Variants in GOLGA5 observed in about 807,000 individuals in gnomAD.
GOLGA5 encodes golgin A5.
A neutral mutation model predicts 93.5 loss-of-function variants in GOLGA5; 50 were observed. That is an observed-to-expected ratio of 0.53 (90% confidence interval 0.43 to 0.68). GOLGA5 has a LOEUF of 0.68. Ranked by LOEUF, GOLGA5 falls within the 30% of genes least tolerant of loss-of-function variation. The pLI, the probability that GOLGA5 is intolerant of heterozygous loss-of-function variation, is 0.00. For missense variants in GOLGA5, 760 were observed against 856.4 expected, an observed-to-expected ratio of 0.89 and a Z score of 1.40; for synonymous variants, 312 against 304.5, an observed-to-expected ratio of 1.02 and a Z score of -0.26.
At chr14:92,802,837 TGCACTGCAGCCCCAAACTCCTG>T (rs1234836998) in intron 2 of GOLGA5, among the ~76,000 whole-genome samples, 1 of 151,824 alleles carries the variant, frequency 6.6e-6, no homozygotes, top group Non-Finnish European at 1.5e-5. Context: ...ATGATCATAG[TGCACTGCAGCCCCAAACTCCTG>T]GCTCAAGTAA....
intron 3 of GOLGA5, among the ~76,000 whole-genome samples, chr14:92,808,359 G>A (rs1354723730): frequency 1.3e-5 from 2 of 152,190 alleles, no homozygotes; most frequent in African/African-American, 2.4e-5. Flanking sequence ...GTTTGGCCAG[G>A]CACAGTGAGT....
chr14:92,815,640 C>T (rs1053848535), intron 6 of GOLGA5, among the ~76,000 whole-genome samples: 3 of 151,606 alleles, frequency 2.0e-5, no homozygotes, highest in African/African-American at 7.3e-5. Flanking sequence ...AGTTCAAGAC[C>T]GGCCTGGGCA....
At chr14:92,818,685 C>A (rs938418788) in intron 7 of GOLGA5, among the ~76,000 whole-genome samples, 2 of 152,182 alleles carry the variant, frequency 1.3e-5, no homozygotes, top group African/African-American at 2.4e-5. Context: ...TTAGTTCTTT[C>A]AAACAGCATG....
intron 3 of GOLGA5, 51 bp downstream of exon 3, chr14:92,807,014 T>G (rs1034875044): frequency 1.5e-6 from 2 of 1,303,472 alleles, no homozygotes; most frequent in African/African-American, 2.9e-5. Flanking sequence ...AAAAATAAAC[T>G]TAAGGCTGGA....
At chr14:92,806,072 A>G (rs1331464206) in intron 2 of GOLGA5, among the ~76,000 whole-genome samples, 3 of 150,540 alleles carry the variant, frequency 2.0e-5, no homozygotes, top group Non-Finnish European at 4.4e-5. Context: ...CCAATTTTTC[A>G]GTATTTGAGA....
chr14:92,814,959 T>A (rs953322470), intron 6 of GOLGA5, among the ~76,000 whole-genome samples: 1 of 152,052 alleles, frequency 6.6e-6, no homozygotes, highest in Non-Finnish European at 1.5e-5. Context: ...AAAAAAAAAA[T>A]TTAGCTTGCA....
intron 3 of GOLGA5, among the ~76,000 whole-genome samples, chr14:92,808,908 C>G (rs567771909): frequency 1.3e-5 from 2 of 152,248 alleles, no homozygotes; most frequent in East Asian, 1.9e-4. Context: ...GCAATAGATT[C>G]TTTTCTGTGT....
At chr14:92,796,326 A>G (rs962462403) in intron 1 of GOLGA5, among the ~76,000 whole-genome samples, 14 of 152,350 alleles carry the variant, frequency 9.2e-5, no homozygotes, top group African/African-American at 3.4e-4. Flanking sequence ...AAAGTACCAC[A>G]GATTGATTGG....
At chr14:92,803,561 C>T (rs149984676) in intron 2 of GOLGA5, among the ~76,000 whole-genome samples, 2 of 152,282 alleles carry the variant, frequency 1.3e-5, no homozygotes, top group African/African-American at 4.8e-5. Context: ...ACTATTGATT[C>T]AGTTGGCTTT....
At chr14:92,816,691 A>T (rs1885216231) in intron 7 of GOLGA5, among the ~76,000 whole-genome samples, 1 of 152,088 alleles carries the variant, frequency 6.6e-6, no homozygotes, top group Non-Finnish European at 1.5e-5. Flanking sequence ...GCTCCCAAGT[A>T]GGTGGAACTA....
At chr14:92,836,710 T>C (rs1885648789) in intron 11 of GOLGA5, among the ~76,000 whole-genome samples, 1 of 152,162 alleles carries the variant, frequency 6.6e-6, no homozygotes, top group Non-Finnish European at 1.5e-5. Flanking sequence ...CAGACTCTTT[T>C]TTTCCCCAGT....
chr14:92,794,432 A>G lies in GOLGA5; in HGVS notation c.-55A>G, dbSNP rs1427295433. 6.6e-6 allele frequency: 1 copy of G among 152,316 alleles called. No individual in the cohort carries two copies. The highest frequency in any genetic ancestry group is 2.4e-5 in the African/African-American group (1 of 41,470). The allele number at this position is 152,316 out of a possible 1,614,324, so 9.4% of individuals were successfully genotyped here. A position where few individuals can be genotyped will look rare whatever the true frequency, so the allele number is the denominator to read the frequency against. On this transcript the variant is annotated 5_prime_UTR_variant, in exon 1 of 13. Coordinates refer to ENST00000163416, the MANE Select transcript of GOLGA5 (RefSeq NM_005113.4). ...CGGCCCAGGACGGCGGCTAGGCCGT[A>G]GTGCAGCCTCTCCGGAGTCCTCAGG...
At chr14:92,819,377 A>G (rs1339903426) in intron 7 of GOLGA5, among the ~76,000 whole-genome samples, 12 of 152,046 alleles carry the variant, frequency 7.9e-5, no homozygotes, top group Admixed American at 7.9e-4. Context: ...TGTGTGGCTC[A>G]ACACCTGTAA....
At chr14:92,835,978 T>G (rs912742460) in intron 11 of GOLGA5, among the ~76,000 whole-genome samples, 3 of 136,316 alleles carry the variant, frequency 2.2e-5, no homozygotes, top group Non-Finnish European at 3.2e-5. Flanking sequence ...TTTTAAAAAC[T>G]TCATTAAATT....
chr14:92,808,941 T>C (rs985056952), intron 3 of GOLGA5, among the ~76,000 whole-genome samples: 4 of 152,240 alleles, frequency 2.6e-5, no homozygotes, highest in African/African-American at 4.8e-5. Flanking sequence ...TTGTTCTTAC[T>C]AGGATGTACC....
At chr14:92,817,582 C>T (rs1259456877) in intron 7 of GOLGA5, among the ~76,000 whole-genome samples, 1 of 152,066 alleles carries the variant, frequency 6.6e-6, no homozygotes, top group Non-Finnish European at 1.5e-5. Context: ...ACATAAATAT[C>T]GTAGGAAGGA....
chr14:92,826,634 G>A (rs1355752093), intron 9 of GOLGA5, among the ~76,000 whole-genome samples: 1 of 151,146 alleles, frequency 6.6e-6, no homozygotes, highest in Non-Finnish European at 1.5e-5. Context: ...GAAGGCAGAG[G>A]TTGCAGTGAG....
intron 8 of GOLGA5, among the ~76,000 whole-genome samples, chr14:92,823,784 C>T (rs73329559): frequency 0.072 from 10,996 of 151,968 alleles, 1,371 homozygotes; most frequent in African/African-American, 0.25. Context: ...TTAAAAAAAG[C>T]AGCTTTTGTT....
At chr14:92,813,421 A>T (rs1213285644) in intron 6 of GOLGA5, among the ~76,000 whole-genome samples, 1 of 152,208 alleles carries the variant, frequency 6.6e-6, no homozygotes, top group Non-Finnish European at 1.5e-5. Context: ...GCTGTCAAAG[A>T]TCACTGGACT....
Sources: gnomAD v4.1 joint callset for allele counts (sites outside exome capture counted in the v4.1 genomes callset) on GRCh38, gnomAD v4.1.1 for gene constraint, MANE v1.5 for transcripts, NCBI Gene and HGNC (gene_info 2026-07-23, HGNC 2026-07-21) for gene names.